The following ROCK2 variants were observed in gnomAD, a reference collection of about 807,000 sequenced individuals.
ROCK2 encodes the protein Rho associated coiled-coil containing protein kinase 2.
ROCK2 carries 61 observed loss-of-function variants against 195.1 expected under a neutral mutation model. The ratio of observed to expected loss-of-function variants is 0.31; its 90% confidence interval spans 0.25 to 0.39. The LOEUF is 0.39. Among genes scored for constraint, ROCK2 ranks in the 10% least tolerant of loss-of-function variants. The pLI, the probability that ROCK2 is intolerant of heterozygous loss-of-function variation, is 1.00. For missense variants in ROCK2, 1,109 were observed against 1,637.4 expected, an observed-to-expected ratio of 0.68 and a Z score of 5.57; for synonymous variants, 504 against 545.5, an observed-to-expected ratio of 0.92 and a Z score of 1.06.
At chr2:11,339,978 A>G (rs992911148) in intron 1 of ROCK2, among the ~76,000 whole-genome samples, 2 of 152,198 alleles carry the variant, frequency 1.3e-5, no homozygotes. Flanking sequence ...AGAATTCAAA[A>G]TGGGAAAAAG....
chr2:11,307,594 T>C (rs1019669534), intron 1 of ROCK2, among the ~76,000 whole-genome samples: 3 of 152,132 alleles, frequency 2.0e-5, no homozygotes, highest in African/African-American at 7.2e-5. Context: ...TTACAGGCGT[T>C]AGCCACCGCA....
Position 11,183,289 on chromosome 2 carries a change from A to G in ROCK2, c.*148T>C. 1.8e-6 allele frequency: 1 copy of G among 548,678 alleles called. No individual in the cohort carries two copies. Among genetic ancestry groups the G allele is most frequent in the Non-Finnish European group, 3.2e-6 (1 of 312,970 alleles). The allele number at this position is 548,678 out of a possible 1,614,324, so 34.0% of individuals were successfully genotyped here. The stretch of plus-strand genomic sequence containing the variant: ...AGATTTGTAATTTATATTACAGGGA[A>G]AAGGGGAACACATATATGTATGAGT... On this transcript the variant is annotated 3_prime_UTR_variant, in exon 33 of 33. Transcript: ENST00000315872.
At chr2:11,268,204 G>A (rs1396269341) in intron 3 of ROCK2, among the ~76,000 whole-genome samples, 1 of 152,100 alleles carries the variant, frequency 6.6e-6, no homozygotes, top group Non-Finnish European at 1.5e-5. Context: ...TGCTGAGGTA[G>A]GAAACCTGAG....
chr2:11,235,904 C>G lies in ROCK2; in HGVS notation c.521G>C (p.Gly174Ala). 1.1e-5 allele frequency: 18 copies of G among 1,613,542 alleles called. No homozygotes were observed. The highest frequency in any genetic ancestry group is 1.4e-5 in the Non-Finnish European group (17 of 1,179,680). Residue 174 changes from glycine to alanine, a missense_variant, in exon 5 of 33, where the codon GGT becomes GCT. Gly to Ala is a moderately conservative substitution (Grantham distance 60, BLOSUM62 0). Around this residue, in one of 6 missense-constraint regions of ROCK2, gnomAD observed 253 missense variants for 455.5 expected, o/e 0.56. Coordinates refer to ENST00000315872, the MANE Select transcript of ROCK2 (RefSeq NM_004850.5). This position sits in a 1 kb window ranked among gnomAD's most constrained non-coding sequence, Gnocchi z 4.2. ...YLYMVMEYMP[G>A]GDLVNLMSNY... ...ACTCATAAGGTTTACAAGGTCTCCA[C>G]CAGGCATGTACTCCATTACCATGTA... is the stretch of plus-strand genomic sequence containing the variant.
intron 4 of ROCK2, among the ~76,000 whole-genome samples, chr2:11,244,150 A>AT (rs1018599765): frequency 3.3e-5 from 5 of 152,228 alleles, no homozygotes; most frequent in Non-Finnish European, 7.3e-5. Context: ...CATTCTTGTC[A>AT]TTAGTAGACC....
At chr2:11,223,510 T>C (rs1407802465) in intron 7 of ROCK2, among the ~76,000 whole-genome samples, 1 of 152,126 alleles carries the variant, frequency 6.6e-6, no homozygotes, top group Non-Finnish European at 1.5e-5. Context: ...TAATAAGCAA[T>C]AAGATGTGCT....
intron 4 of ROCK2, among the ~76,000 whole-genome samples, chr2:11,247,029 A>T (rs1665640502): frequency 6.6e-6 from 1 of 152,250 alleles, no homozygotes; most frequent in African/African-American, 2.4e-5. Context: ...CATAATAAGA[A>T]ATTAAGTGTT....
chr2:11,268,238 G>T (rs1389841812), intron 3 of ROCK2, among the ~76,000 whole-genome samples: 1 of 152,098 alleles, frequency 6.6e-6, no homozygotes, highest in East Asian at 1.9e-4. Context: ...ATTGCTGGGG[G>T]CTAAGTGGTG....
intron 1 of ROCK2, among the ~76,000 whole-genome samples, chr2:11,289,949 T>C (rs1667309578): frequency 6.6e-6 from 1 of 152,218 alleles, no homozygotes; most frequent in African/African-American, 2.4e-5. Flanking sequence ...CTATCACAAT[T>C]AGGCACTATT....
intron 1 of ROCK2, among the ~76,000 whole-genome samples, chr2:11,311,438 A>G (rs1016657077): frequency 2.6e-5 from 4 of 152,144 alleles, no homozygotes; most frequent in African/African-American, 7.2e-5. Flanking sequence ...CACAAAAATT[A>G]GAGTTCTGGA....
chr2:11,311,402 T>G (rs1668031983), intron 1 of ROCK2, among the ~76,000 whole-genome samples: 1 of 152,160 alleles, frequency 6.6e-6, no homozygotes, highest in Non-Finnish European at 1.5e-5. Flanking sequence ...CTAAGAGAGC[T>G]TCTAGCATTC....
intron 1 of ROCK2, among the ~76,000 whole-genome samples, chr2:11,320,256 A>C (rs1668361298): frequency 6.6e-6 from 1 of 152,208 alleles, no homozygotes; most frequent in African/African-American, 2.4e-5. Context: ...CCCAAACTCA[A>C]ATACATTCCA....
intron 1 of ROCK2, among the ~76,000 whole-genome samples, chr2:11,305,091 G>C (rs921047803): frequency 2.0e-5 from 3 of 152,164 alleles, no homozygotes; most frequent in African/African-American, 7.2e-5. Flanking sequence ...AAAAGATACA[G>C]GGGGCCAGGT....
At chr2:11,214,603 T>C in intron 16 of ROCK2, 140 bp from the exon 17 acceptor site, 1 of 653,568 alleles carries the variant, frequency 1.5e-6, no homozygotes, top group Non-Finnish European at 2.6e-6. Flanking sequence ...GTATTGTGCT[T>C]TATAGTTAAT....
intron 1 of ROCK2, among the ~76,000 whole-genome samples, chr2:11,336,004 A>G (rs1318937207): frequency 6.6e-6 from 1 of 152,236 alleles, no homozygotes; most frequent in African/African-American, 2.4e-5. Flanking sequence ...TTTTAAATAC[A>G]TATAAGTTAA....
chr2:11,344,994 C>G (rs1309008261), upstream of ROCK2, among the ~76,000 whole-genome samples: 3 of 151,006 alleles, frequency 2.0e-5, no homozygotes, highest in African/African-American at 4.8e-5. This position sits in a 1 kb window ranked among gnomAD's most constrained non-coding sequence, Gnocchi z 5.4. Flanking sequence ...AGACGCCGGG[C>G]CCAGCGCACC....
intron 32 of ROCK2, among the ~76,000 whole-genome samples, chr2:11,189,160 T>A (rs1663321001): frequency 6.6e-6 from 1 of 152,204 alleles, no homozygotes; most frequent in South Asian, 2.1e-4. Context: ...TCACTTTATA[T>A]TTGATGTATC....
At chr2:11,300,905 G>A (rs1332510805) in intron 1 of ROCK2, among the ~76,000 whole-genome samples, 2 of 152,054 alleles carry the variant, frequency 1.3e-5, no homozygotes, top group Admixed American at 6.6e-5. Flanking sequence ...TGAGTATTGT[G>A]ATTTAGTAAC....
intron 1 of ROCK2, among the ~76,000 whole-genome samples, chr2:11,305,956 G>A (rs1212485468): frequency 6.6e-6 from 1 of 152,172 alleles, no homozygotes; most frequent in Non-Finnish European, 1.5e-5. Flanking sequence ...GTATGAAAGG[G>A]CTCCCAGTGG....
Sources: gnomAD v4.1 joint callset for allele counts (sites outside exome capture counted in the v4.1 genomes callset) on GRCh38, gnomAD v4.1.1 for gene constraint, gnomAD v4.1.1 regional missense constraint, Gnocchi (gnomAD v3.1) non-coding constraint, MANE v1.5 for transcripts, NCBI Gene and HGNC (gene_info 2026-07-23, HGNC 2026-07-21) for gene names.